RAPGEF1: variants seen among roughly 807,000 people sequenced by gnomAD.
RAPGEF1 encodes the protein Rap guanine nucleotide exchange factor 1.
A neutral mutation model predicts 143.3 loss-of-function variants in RAPGEF1; 33 were observed. The ratio of observed to expected loss-of-function variants is 0.23; its 90% CI spans 0.17 to 0.31. RAPGEF1 has a LOEUF of 0.31. Among genes scored for constraint, RAPGEF1 ranks in the 10% least tolerant of loss-of-function variants. The pLI is 1.00. For synonymous variants in RAPGEF1, 629 were observed against 676.5 expected, an observed-to-expected ratio of 0.93 and a Z score of 1.09; for missense variants, 1,199 against 1,645.4, an observed-to-expected ratio of 0.73 and a Z score of 4.69.
intron 5 of RAPGEF1, 71 bp downstream of exon 5, chr9:131,638,564 T>C: frequency 6.4e-7 from 1 of 1,560,804 alleles, no homozygotes; most frequent in Non-Finnish European, 8.8e-7. Flanking sequence ...AGCAAGCTCT[T>C]ATGTGACAAG....
chr9:131,587,660 T>G, intron 22 of RAPGEF1, 76 bp downstream of exon 22: 1 of 1,374,644 alleles, frequency 7.3e-7, no homozygotes, highest in East Asian at 2.4e-5. Context: ...TCAAGCTCCC[T>G]GCAAAGGAAA....
At chr9:131,581,174 G>GA (rs71501264) in intron 25 of RAPGEF1, among the ~76,000 whole-genome samples, 57 of 145,664 alleles carry the variant, frequency 3.9e-4, no homozygotes, top group Non-Finnish European at 3.5e-4. Flanking sequence ...CTCAAAAAAA[G>GA]AAAAAAAAAA....
intron 1 of RAPGEF1, among the ~76,000 whole-genome samples, chr9:131,678,391 G>A (rs1375467180): frequency 6.6e-6 from 1 of 152,192 alleles, no homozygotes; most frequent in East Asian, 1.9e-4. Flanking sequence ...CTTCAACTTT[G>A]CTTTTACAAG....
At chr9:131,713,996 TTC>T (rs1835686817) in intron 1 of RAPGEF1, among the ~76,000 whole-genome samples, 1 of 152,162 alleles carries the variant, frequency 6.6e-6, no homozygotes, top group South Asian at 2.1e-4. Context: ...TAAATAATCA[TTC>T]TCTTAGTATA....
intron 1 of RAPGEF1, among the ~76,000 whole-genome samples, chr9:131,735,005 C>A (rs1450857673): frequency 6.6e-6 from 1 of 152,164 alleles, no homozygotes; most frequent in East Asian, 1.9e-4. Context: ...AAACTCCCAG[C>A]CAGCCTGTGG....
intron 14 of RAPGEF1, 37 bp from the exon 15 acceptor site, chr9:131,602,186 G>T: frequency 2.0e-6 from 3 of 1,494,692 alleles, no homozygotes; most frequent in Non-Finnish European, 2.7e-6. Flanking sequence ...CTGGACAGGG[G>T]CCCTCTGCGG....
At chr9:131,580,538 C>T in intron 25 of RAPGEF1, 147 bp from the exon 26 acceptor site, 1 of 1,001,778 alleles carries the variant, frequency 1.0e-6, no homozygotes, top group Non-Finnish European at 1.4e-6. Flanking sequence ...GTCTGTTTCC[C>T]AGAACAAACT....
chr9:131,655,732 G>A lies in RAPGEF1; in HGVS notation c.62-4783C>T, dbSNP rs549196494. ...TGCACCACTGCACTCCAGCCTGGGC[G>A]ACTGCCACCACGCCTGGCTAATTTT... On this transcript the variant is annotated intron_variant, in intron 1 of 26. Transcript: ENST00000683357. This position sits in a 1 kb window ranked among gnomAD's most constrained non-coding sequence, Gnocchi z 4.1. 2.6e-5 allele frequency among the ~76,000 whole-genome samples: 4 copies of A among 152,278 alleles called. No individual in the cohort carries two copies. Among genetic ancestry groups the A allele is most frequent in the East Asian group, 1.9e-4 (1 of 5,170 alleles).
rs748717980 is a variant in RAPGEF1 at position 131,633,295 on chromosome 9, T to C, written c.652-2971A>G. Among the ~76,000 whole-genome samples the C allele has an allele frequency of 5.9e-5, 9 of 152,236 alleles. No individual in the cohort carries two copies. The South Asian group carries it at 1.0e-3, about 18-fold the overall frequency. On this transcript the variant is annotated intron_variant, in intron 5 of 26. Transcript: ENST00000683357. ...GGCAGCTCCCTTGCACCCTACCGCC[T>C]GGAGGAGGGAGGACGGTGGGAGAAG...
At chr9:131,589,854 G>A in intron 19 of RAPGEF1, 32 bp downstream of exon 19, 1 of 1,587,732 alleles carries the variant, frequency 6.3e-7, no homozygotes, top group Non-Finnish European at 8.6e-7. Context: ...CCTCCCCACT[G>A]GCCCCCAGGA....
At chr9:131,738,492 C>CT (rs1837558301) in intron 1 of RAPGEF1, among the ~76,000 whole-genome samples, 1 of 152,234 alleles carries the variant, frequency 6.6e-6, no homozygotes, top group African/African-American at 2.4e-5. Flanking sequence ...GAAATGGCAC[C>CT]TGAACCCAAG....
At chr9:131,699,030 T>A (rs990234074) in intron 1 of RAPGEF1, among the ~76,000 whole-genome samples, 1 of 152,214 alleles carries the variant, frequency 6.6e-6, no homozygotes, top group Non-Finnish European at 1.5e-5. Context: ...GATGTTTCCA[T>A]CTCTACCAGG....
At chr9:131,622,579 G>T (rs1260085390) in intron 10 of RAPGEF1, among the ~76,000 whole-genome samples, 1 of 152,194 alleles carries the variant, frequency 6.6e-6, no homozygotes, top group Non-Finnish European at 1.5e-5. Flanking sequence ...CTCTCCAGGA[G>T]TGTCACTGAA....
At chr9:131,593,152 G>C (rs952288766) in intron 17 of RAPGEF1, among the ~76,000 whole-genome samples, 2 of 152,238 alleles carry the variant, frequency 1.3e-5, no homozygotes, top group Admixed American at 1.3e-4. Context: ...CCAAGGAGAG[G>C]CATGGTGCCA....
At chr9:131,710,859 A>C (rs1835455970) in intron 1 of RAPGEF1, among the ~76,000 whole-genome samples, 1 of 152,184 alleles carries the variant, frequency 6.6e-6, no homozygotes, top group Admixed American at 6.5e-5. Context: ...ACTGCACTCC[A>C]GCCTGGGTGC....
At chr9:131,680,690 A>C (rs899252935) in intron 1 of RAPGEF1, among the ~76,000 whole-genome samples, 5 of 152,248 alleles carry the variant, frequency 3.3e-5, no homozygotes, top group African/African-American at 4.8e-5. Flanking sequence ...TAGCTAATTT[A>C]GTATCTATAG....
chr9:131,643,429 C>A lies in RAPGEF1; in HGVS notation c.316-12G>T. 6.2e-7 allele frequency: 1 copy of A among 1,608,814 alleles called. No individual in the cohort carries two copies. Among genetic ancestry groups the A allele is most frequent in the South Asian group, 1.1e-5 (1 of 90,186 alleles). On this transcript the variant is annotated splice_polypyrimidine_tract_variant and intron_variant, in intron 3 of 26. Transcript: ENST00000683357. ...AGCCAGCTCAGGTTCTGAAAGGAGA[C>A]GTTAGGCATAAGGAGGAGGAGAGAG...
chr9:131,739,772 G>T lies in RAPGEF1; in HGVS notation c.59C>A (p.Ala20Glu). The T allele has an allele frequency of 1.7e-6, 2 of 1,175,766 alleles. No individual in the cohort carries two copies. The highest frequency in any genetic ancestry group is 2.1e-6 in the Non-Finnish European group (2 of 933,210). 72.8% of individuals were successfully genotyped at this position (1,175,766 alleles called of 1,614,324 possible). A position where few individuals can be genotyped will look rare whatever the true frequency, so the allele number is the denominator to read the frequency against. Residue 20 changes from alanine (A) to glutamate (E), a missense_variant and splice_region_variant, in exon 1 of 27, where the codon GCA (alanine) becomes GAA (glutamate). Transcript: ENST00000683357. ...SPEMSGKIEK[A>E]DSQRSHLSSF... The stretch of plus-strand genomic sequence containing the variant: ...GCCGCCCCACGCCCGCGCCTCACCT[G>T]CTTTCTCGATCTTGCCGGACATTTC...
chr9:131,591,891 A>G (rs992908468), intron 18 of RAPGEF1, among the ~76,000 whole-genome samples: 2 of 152,160 alleles, frequency 1.3e-5, no homozygotes, highest in African/African-American at 4.8e-5. Flanking sequence ...GCCCTTTTAG[A>G]GATGAGGAAC....
Sources: allele counts gnomAD v4.1 joint callset (sites outside exome capture counted in the v4.1 genomes callset), GRCh38; gene constraint gnomAD v4.1.1; non-coding constraint Gnocchi (gnomAD v3.1); transcripts MANE v1.5; gene names NCBI Gene and HGNC (gene_info 2026-07-23, HGNC 2026-07-21).